The following POLD4 variants were observed in gnomAD, a reference collection of about 807,000 sequenced individuals.
The protein encoded by POLD4 is DNA polymerase delta subunit 4.
POLD4 carries 9 observed loss-of-function variants against 16.5 expected under a neutral mutation model. The observed-to-expected ratio is 0.55, with a 90% CI of 0.33 to 0.95. The LOEUF (loss-of-function observed/expected upper bound fraction) is 0.95, where lower values mean the gene tolerates loss of function less well. Among genes scored for constraint, POLD4 ranks in the 40% least tolerant of loss-of-function variants. POLD4 has a pLI of 0.03. For missense variants in POLD4, 129 were observed against 139.7 expected (o/e 0.92, Z 0.39); for synonymous variants, 62 against 57.6 (o/e 1.08, Z -0.35).
At chr11:67,352,848 T>C in intron 2 of POLD4, 46 bp from the exon 3 acceptor site, 1 of 1,476,546 alleles carries the variant, frequency 6.8e-7, no homozygotes, top group South Asian at 1.2e-5. Flanking sequence ...GGGGGTGGGG[T>C]AGAGTCTGAG....
rs911863076 is a variant in POLD4, at chr11:67,351,550, C to A, written c.*445G>T. The A allele has an allele frequency of 3.7e-5, 6 of 163,202 alleles. No homozygotes were observed. The highest frequency in any genetic ancestry group is 1.4e-4 in the African/African-American group (6 of 41,658). 10.1% of individuals were successfully genotyped at this position (163,202 alleles called of 1,614,324 possible). ...CAGTAAAGGACTGAAGGTCAGGATT[C>A]CAGGCTCAATATTCTTTATTGATAA... On this transcript the variant is annotated 3_prime_UTR_variant, in exon 4 of 4. Transcript: ENST00000312419. This position sits in a 1 kb window ranked among gnomAD's most constrained non-coding sequence, Gnocchi z 4.8.
intron 2 of POLD4, 22 bp downstream of exon 2, chr11:67,352,966 G>A (rs753501226): frequency 3.3e-6 from 5 of 1,529,128 alleles, no homozygotes; most frequent in Admixed American, 4.1e-5. Flanking sequence ...AGGCGCCTCC[G>A]TGGGGCTGGG....
chr11:67,352,028 G>T lies in POLD4; in HGVS notation c.300-9C>A. The T allele has an allele frequency of 1.3e-6, 1 of 787,180 alleles. No homozygotes were observed. Among genetic ancestry groups the T allele is most frequent in the Admixed American group, 2.1e-5 (1 of 46,770 alleles). 48.8% of individuals were successfully genotyped at this position (787,180 alleles called of 1,614,324 possible). ...GATAGAGATGCCAGAGACTGTGGAA[G>T]ATGGGGTGGGAGGGAGGGATACCCC... On this transcript the variant is annotated splice_polypyrimidine_tract_variant and intron_variant, in intron 3 of 3. Coordinates refer to ENST00000312419, the MANE Select transcript of POLD4 (RefSeq NM_021173.5).
chr11:67,353,249 C>T, intron 1 of POLD4, 54 bp downstream of exon 1: 1 of 1,581,594 alleles, frequency 6.3e-7, no homozygotes, highest in Non-Finnish European at 8.6e-7. Flanking sequence ...CTCTAGGGGC[C>T]TCCTCTAGGC....
At position 67,353,090 on chromosome 11, in the gene POLD4, C is replaced by G; in HGVS notation, c.98-13G>C. On this transcript the variant is annotated splice_polypyrimidine_tract_variant and intron_variant, in intron 1 of 3. Transcript: ENST00000312419. The stretch of plus-strand genomic sequence containing the variant: ...TGGGGCTCCTCCCCTGCAATGACAG[C>G]TGCTCTTCAGTACGAGGTTGGCTTC... 2 of 1,575,392 alleles carry G rather than the reference C, an allele frequency of 1.3e-6. No individual in the cohort carries two copies. The highest frequency in any genetic ancestry group is 2.7e-5 in the African/African-American group (2 of 73,920).
At chr11:67,352,834 T>G in intron 2 of POLD4, 32 bp from the exon 3 acceptor site, 1 of 1,505,096 alleles carries the variant, frequency 6.6e-7, no homozygotes, top group Non-Finnish European at 9.0e-7. Flanking sequence ...TCTGGAGACT[T>G]GTGGGGGGTG....
At chr11:67,352,663 C>T (rs770835542) in intron 3 of POLD4, 28 bp downstream of exon 3, 1 of 1,589,160 alleles carries the variant, frequency 6.3e-7, no homozygotes, top group Admixed American at 1.7e-5. Flanking sequence ...CCTGGCTCCC[C>T]TGAAAGCCCT....
At chr11:67,352,094 C>A in intron 3 of POLD4, 75 bp from the exon 4 acceptor site, 2 of 1,235,634 alleles carry the variant, frequency 1.6e-6, no homozygotes, top group East Asian at 2.5e-5. Context: ...TTGTTGAGTC[C>A]CTGGATCTGA....
chr11:67,353,243 AG>A (rs1217212188), intron 1 of POLD4, 59 bp downstream of exon 1: 7 of 1,577,900 alleles, frequency 4.4e-6, no homozygotes, highest in Non-Finnish European at 6.0e-6. Flanking sequence ...CCGCCCCTCT[AG>A]GGGCCTCCTC....
chr11:67,353,267 T>A, intron 1 of POLD4, 36 bp downstream of exon 1: 1 of 1,594,504 alleles, frequency 6.3e-7, no homozygotes, highest in South Asian at 1.1e-5. Flanking sequence ...GGCCCCTCCG[T>A]GTCCACTCCT....
Position 67,353,498 on chromosome 11 carries a change from G to A in POLD4, c.-99C>T. On this transcript the variant is annotated 5_prime_UTR_variant, in exon 1 of 4. Coordinates refer to ENST00000312419, the MANE Select transcript of POLD4 (RefSeq NM_021173.5). ...GACAGCTGCTGAGAGAGACAGACGGGGCCAGGCCAGCGGCGGGCAGACAAG... is the reference window on the plus strand; with the variant it reads ...GACAGCTGCTGAGAGAGACAGACGGAGCCAGGCCAGCGGCGGGCAGACAAG... The A allele has an allele frequency of 1.9e-6, 2 of 1,046,048 alleles. No homozygotes were observed. The allele number at this position is 1,046,048 out of a possible 1,614,324, so 64.8% of individuals were successfully genotyped here. A position where few individuals can be genotyped will look rare whatever the true frequency, so the allele number is the denominator to read the frequency against.
At chr11:67,353,182 C>G in intron 1 of POLD4, 105 bp from the exon 2 acceptor site, 2 of 1,503,726 alleles carry the variant, frequency 1.3e-6, no homozygotes, top group Admixed American at 3.8e-5. Context: ...CGCAGCTAGA[C>G]CTGGTGTCGG....
At position 67,352,691 on chromosome 11, in the gene POLD4, C is replaced by A. The variant is rs1417413371; in HGVS notation, c.299G>T (p.Ser100Ile). ...THPGDPRFQCSLWHLYPL is the reference protein window; with the variant it reads ...THPGDPRFQCILWHLYPL Reference sequence around the variant, plus strand: ...AAAGCCCTCCCGGCCTGTCTCTGACCTGCACTGGAAGCGGGGGTCTCCGGG... The same window carrying A: ...AAAGCCCTCCCGGCCTGTCTCTGACATGCACTGGAAGCGGGGGTCTCCGGG... The change falls in exon 3 of 4, where the codon AGT (serine) becomes ATT (isoleucine). Residue 100 changes from serine (S) to isoleucine (I), a missense_variant and splice_region_variant. Ser to Ile is a moderately radical substitution (Grantham distance 142). Transcript: ENST00000312419. The A allele has an allele frequency of 6.2e-7, 1 of 1,611,720 alleles. No individual in the cohort carries two copies. Among genetic ancestry groups the A allele is most frequent in the Admixed American group, 1.7e-5 (1 of 59,914 alleles).
Position 67,351,702 on chromosome 11 carries a change from C to A in POLD4, c.*293G>T. 2.4e-6 allele frequency: 1 copy of A among 411,962 alleles called. No homozygotes were observed. The highest frequency in any genetic ancestry group is 3.3e-5 in the South Asian group (1 of 29,930). 25.5% of individuals were successfully genotyped at this position (411,962 alleles called of 1,614,324 possible). On this transcript the variant is annotated 3_prime_UTR_variant, in exon 4 of 4. Coordinates refer to ENST00000312419, the MANE Select transcript of POLD4 (RefSeq NM_021173.5). The surrounding 1 kb of genome is among the most constrained non-coding windows in gnomAD (Gnocchi z 4.8). The stretch of plus-strand genomic sequence containing the variant: ...TCTGACTGTGCCTAACTTGCCAGAT[C>A]ATGGGTCAGGGAGACAGGCAGCAGG...
chr11:67,352,236 G>C, intron 3 of POLD4: 1 of 520,292 alleles, frequency 1.9e-6, no homozygotes, highest in Non-Finnish European at 3.5e-6. Flanking sequence ...TTGGCCGGGT[G>C]TGGTGGCTCA....
chr11:67,352,906 C>T, intron 2 of POLD4, 82 bp downstream of exon 2: 1 of 1,410,044 alleles, frequency 7.1e-7, no homozygotes, highest in Non-Finnish European at 9.6e-7. Flanking sequence ...GGGTCAGAGT[C>T]ACGCAAGCGC....
rs1266590252 is a variant in POLD4 at position 67,351,252 on chromosome 11, A to T, written c.*743T>A. On this transcript the variant is annotated 3_prime_UTR_variant, in exon 4 of 4. Transcript: ENST00000312419. This position sits in a 1 kb window ranked among gnomAD's most constrained non-coding sequence, Gnocchi z 4.8. ...CCCAGGGGTCCTTCTCTGGCAAAGC[A>T]CCCATGTTTGTGAGGTGGGCACCGC... The T allele has an allele frequency of 6.6e-6, 1 of 152,156 alleles. No homozygotes were observed. Among genetic ancestry groups the T allele is most frequent in the Non-Finnish European group, 1.5e-5 (1 of 68,052 alleles). The allele number at this position is 152,156 out of a possible 1,614,324, so 9.4% of individuals were successfully genotyped here.
Position 67,352,037 on chromosome 11 carries a change from G to T in POLD4, c.300-18C>A. On this transcript the variant is annotated intron_variant, in intron 3 of 3. Coordinates refer to ENST00000312419, the MANE Select transcript of POLD4 (RefSeq NM_021173.5). ...GCCAGAGACTGTGGAAGATGGGGTGGGAGGGAGGGATACCCCAGAGAGAGA... is the reference window on the plus strand; with the variant it reads ...GCCAGAGACTGTGGAAGATGGGGTGTGAGGGAGGGATACCCCAGAGAGAGA... 1 of 1,383,196 alleles carries T rather than the reference G, an allele frequency of 7.2e-7. No individual in the cohort carries two copies. Among genetic ancestry groups the T allele is most frequent in the Non-Finnish European group, 1.0e-6 (1 of 985,870 alleles). The allele number at this position is 1,383,196 out of a possible 1,614,324, so 85.7% of individuals were successfully genotyped here.
chr11:67,352,354 G>C (rs375713711), intron 3 of POLD4: 190 of 327,744 alleles, frequency 5.8e-4, no homozygotes, highest in African/African-American at 3.8e-3. Flanking sequence ...ACTAAAAATA[G>C]AAAAAATTAG....
Sources: gnomAD v4.1 joint callset for allele counts on GRCh38, gnomAD v4.1.1 for gene constraint, Gnocchi (gnomAD v3.1) non-coding constraint, MANE v1.5 for transcripts, NCBI Gene and HGNC (gene_info 2026-07-23, HGNC 2026-07-21) for gene names.